The following NREP variants were observed in gnomAD, a reference collection of about 807,000 sequenced individuals.
NREP encodes neuronal regeneration related protein.
A neutral mutation model predicts 8.6 loss-of-function variants in NREP; 5 were observed. That is an observed-to-expected ratio of 0.58 (90% CI 0.30 to 1.22). The LOEUF is 1.22. NREP is among the 50% of genes most tolerant of loss of function. The probability of loss-of-function intolerance (pLI) is 0.07; values close to 1 mark genes in which losing one functional copy is unlikely to be tolerated. For synonymous variants in NREP, 27 were observed against 28.0 expected (o/e 0.96, Z 0.11); for missense variants, 86 against 82.5 (o/e 1.04, Z -0.17).
rs561680898 is a variant in NREP at position 111,785,003 on chromosome 5, G to T, written c.136-49496C>A. Among the ~76,000 whole-genome samples the T allele has an allele frequency of 2.0e-5, 3 of 152,220 alleles. No individual in the cohort carries two copies. The South Asian group carries it at 6.2e-4, about 32-fold the overall frequency. On this transcript the variant is annotated intron_variant, in intron 2 of 3. Transcript: ENST00000395634. The stretch of plus-strand genomic sequence containing the variant: ...AGGGCTCCTGTGGTGCCATCCTTAG[G>T]CCTGGAGTTATACAGTCATTGACTA...
chr5:111,949,623 C>A (rs1412070790), intron 2 of NREP, among the ~76,000 whole-genome samples: 1 of 151,926 alleles, frequency 6.6e-6, no homozygotes, highest in Non-Finnish European at 1.5e-5. Context: ...TGTTCCCCTC[C>A]CTGTGTCCAT....
chr5:111,815,640 A>T (rs1044827070), intron 2 of NREP, among the ~76,000 whole-genome samples: 2 of 152,168 alleles, frequency 1.3e-5, no homozygotes, highest in Non-Finnish European at 2.9e-5. Flanking sequence ...AAGACTCGGC[A>T]TAAGACTCGG....
chr5:111,960,097 C>T (rs574260063), intron 2 of NREP, among the ~76,000 whole-genome samples: 15 of 152,140 alleles, frequency 9.9e-5, no homozygotes, highest in African/African-American at 3.6e-4. Context: ...CTGAGATTGT[C>T]CTCACAACTT....
intron 2 of NREP, among the ~76,000 whole-genome samples, chr5:111,774,825 G>T (rs1390986617): frequency 2.6e-5 from 4 of 152,190 alleles, no homozygotes; most frequent in Admixed American, 2.0e-4. Flanking sequence ...CTAAACAGAG[G>T]ACCAGTATGG....
At chr5:111,882,387 C>T (rs1418957674) in intron 2 of NREP, among the ~76,000 whole-genome samples, 2 of 152,168 alleles carry the variant, frequency 1.3e-5, no homozygotes, top group Non-Finnish European at 2.9e-5. Context: ...GAGAATGGAA[C>T]TAAGTTGGAA....
chr5:111,830,146 T>C (rs1752729431), intron 2 of NREP, among the ~76,000 whole-genome samples: 1 of 151,898 alleles, frequency 6.6e-6, no homozygotes, highest in South Asian at 2.1e-4. Context: ...GTTAGGAGTT[T>C]TCAGCTGTTT....
At chr5:111,886,491 T>C (rs1285513745) in intron 2 of NREP, among the ~76,000 whole-genome samples, 1 of 152,062 alleles carries the variant, frequency 6.6e-6, no homozygotes, top group Admixed American at 6.6e-5. Context: ...CAAAGGACTA[T>C]AAATCATGCT....
chr5:111,971,056 C>T (rs781212271), intron 2 of NREP, among the ~76,000 whole-genome samples: 5 of 152,080 alleles, frequency 3.3e-5, no homozygotes, highest in Admixed American at 2.0e-4. Flanking sequence ...AGTTCCCCTT[C>T]CCCTAGTCCG....
At chr5:111,841,076 A>T (rs1753019245) in intron 2 of NREP, among the ~76,000 whole-genome samples, 1 of 152,124 alleles carries the variant, frequency 6.6e-6, no homozygotes, top group African/African-American at 2.4e-5. Flanking sequence ...ACATGATCCC[A>T]GAGAATAAGT....
chr5:111,822,336 T>A (rs982667017), intron 2 of NREP, among the ~76,000 whole-genome samples: 4 of 152,194 alleles, frequency 2.6e-5, no homozygotes, highest in African/African-American at 9.6e-5. Flanking sequence ...ACTGGGAAGC[T>A]AGAAATCAGT....
chr5:111,740,657 G>A (rs1351626837), intron 2 of NREP, among the ~76,000 whole-genome samples: 2 of 151,976 alleles, frequency 1.3e-5, no homozygotes, highest in East Asian at 1.9e-4. Context: ...GTCCCCCAAG[G>A]TCCTAAAAAA....
chr5:111,731,469 CGG>C (rs1427386871), intron 3 of NREP, among the ~76,000 whole-genome samples: 1 of 148,794 alleles, frequency 6.7e-6, no homozygotes, highest in Non-Finnish European at 1.5e-5. Context: ...GTGATGAAGA[CGG>C]GTTAACAATC....
At chr5:111,938,452 C>T (rs948569994) in intron 2 of NREP, among the ~76,000 whole-genome samples, 7 of 151,964 alleles carry the variant, frequency 4.6e-5, no homozygotes, top group East Asian at 1.9e-4. Flanking sequence ...TCTTTGCATC[C>T]AGGCAAGTGA....
At chr5:111,841,537 T>C (rs894043747) in intron 2 of NREP, among the ~76,000 whole-genome samples, 4 of 152,074 alleles carry the variant, frequency 2.6e-5, no homozygotes, top group African/African-American at 9.7e-5. Flanking sequence ...TGTGATACGG[T>C]TGTAGTGGAA....
At chr5:111,884,983 G>A (rs1430571805) in intron 2 of NREP, among the ~76,000 whole-genome samples, 2 of 152,134 alleles carry the variant, frequency 1.3e-5, no homozygotes, top group African/African-American at 4.8e-5. Context: ...AGGGCAATTA[G>A]GCAGGAGAAG....
intron 2 of NREP, among the ~76,000 whole-genome samples, chr5:111,848,559 G>C (rs1323809794): frequency 6.6e-6 from 1 of 152,134 alleles, no homozygotes; most frequent in Non-Finnish European, 1.5e-5. Context: ...TGTTGGGCCA[G>C]TGGTTGCCAT....
At chr5:111,962,172 T>C (rs1273787540) in intron 2 of NREP, among the ~76,000 whole-genome samples, 4 of 152,160 alleles carry the variant, frequency 2.6e-5, no homozygotes, top group African/African-American at 7.2e-5. Context: ...TGACCAATGA[T>C]GACTACATTT....
chr5:111,771,887 A>G (rs1424064208), intron 2 of NREP, among the ~76,000 whole-genome samples: 1 of 152,210 alleles, frequency 6.6e-6, no homozygotes, highest in Non-Finnish European at 1.5e-5. Flanking sequence ...CCTAAGAACT[A>G]TATTACTTCG....
intron 2 of NREP, among the ~76,000 whole-genome samples, chr5:111,927,249 T>A (rs1320358270): frequency 6.6e-6 from 1 of 152,172 alleles, no homozygotes; most frequent in South Asian, 2.1e-4. Flanking sequence ...CTATGAAGAA[T>A]TGAAACAGGA....
Sources: gnomAD v4.1 joint callset for allele counts (sites outside exome capture counted in the v4.1 genomes callset) on GRCh38, gnomAD v4.1.1 for gene constraint, MANE v1.5 for transcripts, NCBI Gene and HGNC (gene_info 2026-07-23, HGNC 2026-07-21) for gene names.